MCTP1: variants seen among roughly 807,000 people sequenced by gnomAD.
MCTP1 encodes multiple C2 and transmembrane domain containing 1.
In MCTP1, 69 loss-of-function variants were observed where a neutral mutation model predicts 120.6. The ratio of observed to expected loss-of-function variants is 0.57; its 90% CI spans 0.47 to 0.70. The LOEUF (loss-of-function observed/expected upper bound fraction) is 0.70. Ranked by LOEUF, MCTP1 falls within the 30% of genes least tolerant of loss-of-function variation. MCTP1 has a pLI of 0.00. For synonymous variants in MCTP1, 529 were observed against 493.1 expected (o/e 1.07, Z -0.96); for missense variants, 1,203 against 1,248.8 (o/e 0.96, Z 0.55).
chr5:95,084,142 C>T (rs1367377275), intron 1 of MCTP1, among the ~76,000 whole-genome samples: 4 of 151,940 alleles, frequency 2.6e-5, no homozygotes, highest in African/African-American at 9.7e-5. Flanking sequence ...AAAGAGAGAT[C>T]AATGTTTTGC....
chr5:95,077,656 T>G (rs1450761335), intron 1 of MCTP1, among the ~76,000 whole-genome samples: 1 of 152,112 alleles, frequency 6.6e-6, no homozygotes, highest in African/African-American at 2.4e-5. Context: ...GTATTTTTAG[T>G]AGAGACAGGT....
chr5:95,283,216 AAGCAAGTGCTTC>A (rs1760462806), intron 1 of MCTP1, among the ~76,000 whole-genome samples: 1 of 152,244 alleles, frequency 6.6e-6, no homozygotes, highest in South Asian at 2.1e-4. Flanking sequence ...ATACTTTAAA[AAGCAAGTGCTTC>A]AGGTGACTAT....
chr5:95,261,069 G>A (rs1244996975), intron 1 of MCTP1, among the ~76,000 whole-genome samples: 1 of 152,128 alleles, frequency 6.6e-6, no homozygotes, highest in African/African-American at 2.4e-5. Flanking sequence ...ACTTTTCCGA[G>A]GTAGATTCTA....
At chr5:95,039,179 T>C (rs567609707) in intron 1 of MCTP1, among the ~76,000 whole-genome samples, 1 of 152,306 alleles carries the variant, frequency 6.6e-6, no homozygotes, top group Admixed American at 6.5e-5. Context: ...CCTTTGTACT[T>C]TCAAAATGAT....
chr5:94,839,095 A>T (rs775717719), intron 17 of MCTP1, among the ~76,000 whole-genome samples: 13 of 152,188 alleles, frequency 8.5e-5, no homozygotes, highest in Non-Finnish European at 1.9e-4. Flanking sequence ...GAATGAACTG[A>T]TCAACCAGGC....
At chr5:95,269,584 C>T (rs1311354964) in intron 1 of MCTP1, among the ~76,000 whole-genome samples, 2 of 152,196 alleles carry the variant, frequency 1.3e-5, no homozygotes, top group East Asian at 3.9e-4. Context: ...AATGGAAAGA[C>T]CTATCAGCAA....
chr5:95,095,092 A>C (rs370078934), intron 1 of MCTP1, among the ~76,000 whole-genome samples: 7 of 115,510 alleles, frequency 6.1e-5, no homozygotes, highest in East Asian at 2.6e-4. Flanking sequence ...GGCGCGATCT[A>C]GGCTCACTGC....
intron 2 of MCTP1, among the ~76,000 whole-genome samples, chr5:95,009,120 G>A (rs1263751047): frequency 6.7e-6 from 1 of 150,156 alleles, no homozygotes; most frequent in Non-Finnish European, 1.5e-5. Context: ...AGCATTGGGA[G>A]GGAATGCTGC....
At chr5:95,125,195 TTCCAATCCAA>T in intron 1 of MCTP1, among the ~76,000 whole-genome samples, 1 of 152,246 alleles carries the variant, frequency 6.6e-6, no homozygotes, top group Non-Finnish European at 1.5e-5. Context: ...CTGCTGTATC[TTCCAATCCAA>T]TCATTTGTTT....
chr5:94,734,699 C>T (rs547177710), intron 19 of MCTP1, among the ~76,000 whole-genome samples: 1 of 152,178 alleles, frequency 6.6e-6, no homozygotes. Context: ...TAAAGCAATC[C>T]TCCCACCTCG....
intron 1 of MCTP1, among the ~76,000 whole-genome samples, chr5:95,167,340 G>C (rs1447617545): frequency 6.6e-6 from 1 of 152,110 alleles, no homozygotes; most frequent in Non-Finnish European, 1.5e-5. Context: ...CCAAGTCTTT[G>C]CTATTGTGAA....
intron 1 of MCTP1, among the ~76,000 whole-genome samples, chr5:95,140,879 CAAAAAA>C (rs33910299): frequency 1.1e-4 from 5 of 45,338 alleles, no homozygotes; most frequent in African/African-American, 3.4e-4. Context: ...GACTCCGTCT[CAAAAAA>C]AAAAAAAAAA....
At chr5:95,130,699 G>A (rs1331590930) in intron 1 of MCTP1, among the ~76,000 whole-genome samples, 1 of 152,076 alleles carries the variant, frequency 6.6e-6, no homozygotes, top group Non-Finnish European at 1.5e-5. Flanking sequence ...CCCTCTGTGT[G>A]TCTGTGGCCA....
intron 1 of MCTP1, chr5:95,154,273 G>T (rs1744848482): frequency 6.6e-6 from 1 of 152,058 alleles, no homozygotes; most frequent in Non-Finnish European, 1.5e-5. Context: ...TTCACAGAAG[G>T]CCTGTAGGGT....
rs190610824 is a variant in MCTP1, at chr5:94,720,205, G to A, written c.2611-5319C>T. On this transcript the variant is annotated intron_variant, in intron 19 of 22. Transcript: ENST00000515393. ...AAATGAATTATAAAAAGACAATACA[G>A]GGAAGTTATTTACTGACCTTGGAAT... 6.7e-4 allele frequency among the ~76,000 whole-genome samples: 102 copies of A among 151,736 alleles called. 2 individuals are homozygous for A. The East Asian group carries it at 0.017, about 25-fold the overall frequency.
At chr5:95,257,224 C>G (rs1233535491) in intron 1 of MCTP1, among the ~76,000 whole-genome samples, 1 of 152,188 alleles carries the variant, frequency 6.6e-6, no homozygotes, top group Admixed American at 6.5e-5. Flanking sequence ...ACAACAGTTT[C>G]TGGCTCAATT....
intron 1 of MCTP1, among the ~76,000 whole-genome samples, chr5:95,165,569 G>A (rs780959437): frequency 6.6e-6 from 1 of 152,082 alleles, no homozygotes; most frequent in Non-Finnish European, 1.5e-5. Flanking sequence ...ATCAAAACAC[G>A]TGTTACAACT....
intron 17 of MCTP1, among the ~76,000 whole-genome samples, chr5:94,866,181 T>C (rs1030211665): frequency 6.6e-5 from 10 of 151,806 alleles, no homozygotes; most frequent in South Asian, 2.1e-4. Flanking sequence ...TAAGAAAAAA[T>C]TTCAGATTAA....
chr5:95,003,525 A>G (rs4307075), intron 2 of MCTP1, among the ~76,000 whole-genome samples: 2,805 of 152,278 alleles, frequency 0.018, 79 homozygotes, highest in African/African-American at 0.065. Flanking sequence ...GCATGACCAA[A>G]ACTTATGTCT....
Sources: gnomAD v4.1 joint callset for allele counts (sites outside exome capture counted in the v4.1 genomes callset) on GRCh38, gnomAD v4.1.1 for gene constraint, MANE v1.5 for transcripts, NCBI Gene and HGNC (gene_info 2026-07-23, HGNC 2026-07-21) for gene names.